Variants in GTF2IRD2B observed in about 807,000 individuals in gnomAD.
GTF2IRD2B encodes general transcription factor II-I repeat domain-containing protein 2B.
In GTF2IRD2B, 10 loss-of-function variants were observed where a neutral mutation model predicts 55.6. The ratio of observed to expected loss-of-function variants is 0.18; its 90% CI spans 0.11 to 0.31. The LOEUF (loss-of-function observed/expected upper bound fraction) is 0.31, where lower values mean the gene tolerates loss of function less well. GTF2IRD2B is among the 10% of genes least tolerant of loss of function. The pLI, the probability that GTF2IRD2B is intolerant of heterozygous loss-of-function variation, is 1.00. For missense variants in GTF2IRD2B, 206 were observed against 802.7 expected (o/e 0.26, Z 8.98); for synonymous variants, 107 against 320.5 (o/e 0.33, Z 7.12).
In GTF2IRD2B at chr7:75,119,938, C is replaced by G. The variant is rs1808312717; in HGVS notation, c.239-953C>G. 2.4e-5 allele frequency among the ~76,000 whole-genome samples: 3 copies of G among 126,450 alleles called. 1 individual carries two copies. The highest frequency in any genetic ancestry group is 1.1e-4 in the African/African-American group (3 of 27,416). The allele number at this position is 126,450 out of a possible 152,430, so 83.0% of individuals were successfully genotyped here. On this transcript the variant is annotated intron_variant, in intron 3 of 15. Transcript: ENST00000472837. ...GGTCAGGAGATCGAGACCATTCTGG[C>G]TAACGTGGTGAAACCCCATCTCTAC...
intron 2 of GTF2IRD2B, 109 bp downstream of exon 2, chr7:75,109,172 T>A (rs1163633743): frequency 1.1e-5 from 7 of 666,424 alleles, no homozygotes; most frequent in African/African-American, 1.5e-5. Flanking sequence ...TTCTTTTTTT[T>A]AAGACAGAGT....
chr7:75,120,794 C>G, intron 3 of GTF2IRD2B, 97 bp from the exon 4 acceptor site: 1 of 1,559,488 alleles, frequency 6.4e-7, no homozygotes, highest in Non-Finnish European at 8.7e-7. Flanking sequence ...TATTTATTCA[C>G]TTTTTTCCCT....
chr7:75,135,369 A>G (rs1292377959), intron 10 of GTF2IRD2B, among the ~76,000 whole-genome samples: 2 of 151,782 alleles, frequency 1.3e-5, no homozygotes, highest in African/African-American at 2.4e-5. Context: ...CCTGACCTCA[A>G]GTGATCCGTC....
Position 75,103,015 on chromosome 7 carries a change from C to T in GTF2IRD2B, c.-5-5945C>T, listed in dbSNP as rs374935363. Among the ~76,000 whole-genome samples the T allele has an allele frequency of 2.1e-4, 32 of 148,954 alleles. No homozygotes were observed. The East Asian group carries it at 5.0e-3, about 23-fold the overall frequency. On this transcript the variant is annotated intron_variant, in intron 1 of 15. Coordinates refer to ENST00000472837, the MANE Select transcript of GTF2IRD2B (RefSeq NM_001003795.3). ...AAATAAGGCTGGGCATGGTGGCTCA[C>T]GCCTGTAGTCCCAGCACTCTGGGAG...
At chr7:75,105,206 C>CAAA (rs782706581) in intron 1 of GTF2IRD2B, among the ~76,000 whole-genome samples, 963 of 150,136 alleles carry the variant, frequency 6.4e-3, no homozygotes, top group African/African-American at 0.022. Flanking sequence ...AAACAAAAAA[C>CAAA]AAAAAAAAAA....
In GTF2IRD2B at chr7:75,127,012, CAAAAACAAAAACAAA is replaced by C. The variant is rs1296385012; in HGVS notation, c.670+639_670+653del. Among the ~76,000 whole-genome samples, 20 of 70,632 alleles carry C rather than the reference CAAAAACAAAAACAAA, an allele frequency of 2.8e-4. 1 individual carries two copies. The highest frequency in any genetic ancestry group is 9.3e-4 in the Admixed American group (5 of 5,348). 46.3% of individuals were successfully genotyped at this position (70,632 alleles called of 152,430 possible). ...ATTCTGTGTCAAAAAAAAACAAAAA[CAAAAACAAAAACAAA>C]AAAAACAAAAAAAAGAACCAAGTAT... On this transcript the variant is annotated intron_variant, in intron 8 of 15. Transcript: ENST00000472837.
intron 11 of GTF2IRD2B, 111 bp downstream of exon 11, chr7:75,136,961 T>C (rs1808858369): frequency 9.1e-6 from 2 of 220,762 alleles, no homozygotes; most frequent in Admixed American, 1.2e-4. Context: ...CCCAGCACCT[T>C]GGGAGGCCAA....
At chr7:75,145,749 GA>G (rs1809128318) in intron 15 of GTF2IRD2B, among the ~76,000 whole-genome samples, 2 of 122,154 alleles carry the variant, frequency 1.6e-5, no homozygotes, top group Non-Finnish European at 3.5e-5. Context: ...AAAAAAAAAA[GA>G]AAAGAAAACC....
intron 10 of GTF2IRD2B, 80 bp downstream of exon 10, chr7:75,135,137 T>A (rs1275073314): frequency 1.0e-6 from 1 of 958,500 alleles, no homozygotes; most frequent in Non-Finnish European, 1.5e-6. Context: ...AGAACATACT[T>A]TTTTTTTCTT....
At chr7:75,099,852 C>T (rs1807484103) in intron 1 of GTF2IRD2B, among the ~76,000 whole-genome samples, 1 of 135,476 alleles carries the variant, frequency 7.4e-6, no homozygotes, top group Admixed American at 7.2e-5. Context: ...GTAGATCATG[C>T]CTGTAATCCC....
rs1320588813 is a variant in GTF2IRD2B, at chr7:75,108,585, C to T, written c.-5-375C>T. On this transcript the variant is annotated intron_variant, in intron 1 of 15. Coordinates refer to ENST00000472837, the MANE Select transcript of GTF2IRD2B (RefSeq NM_001003795.3). Reference sequence around the variant, plus strand: ...GACCAGCCTAGGTAACGTGGCGAAACCCCGTCTTTACAAAAAATACAAAAA... The same window carrying T: ...GACCAGCCTAGGTAACGTGGCGAAATCCCGTCTTTACAAAAAATACAAAAA... Among the ~76,000 whole-genome samples the T allele has an allele frequency of 1.3e-3, 63 of 49,632 alleles. 28 individuals carry two copies. The highest frequency in any genetic ancestry group is 2.5e-3 in the Non-Finnish European group (60 of 23,898). The allele number at this position is 49,632 out of a possible 152,430, so 32.6% of individuals were successfully genotyped here. A position where few individuals can be genotyped will look rare whatever the true frequency, so the allele number is the denominator to read the frequency against.
chr7:75,123,647 A>G (rs1438750265), intron 6 of GTF2IRD2B, 131 bp downstream of exon 6: 2 of 644,280 alleles, frequency 3.1e-6, no homozygotes, highest in Non-Finnish European at 2.9e-6. Flanking sequence ...AGGCTGAGGC[A>G]GGTGGATCAC....
At chr7:75,104,794 G>A (rs1554421379) in intron 1 of GTF2IRD2B, among the ~76,000 whole-genome samples, 1 of 152,280 alleles carries the variant, frequency 6.6e-6, no homozygotes, top group Non-Finnish European at 1.5e-5. Context: ...GCGTCTCATG[G>A]CTGGATGCCG....
chr7:75,092,588 AAAG>A (rs1336437070), exon 1 of GTF2IRD2B: 2 of 152,624 alleles, frequency 1.3e-5, no homozygotes, highest in Non-Finnish European at 2.9e-5. Flanking sequence ...GGGGGGAAAG[AAAG>A]AAAGAGAAAA....
intron 1 of GTF2IRD2B, among the ~76,000 whole-genome samples, chr7:75,097,309 TACAAAA>T: frequency 2.6e-5 from 1 of 38,434 alleles, no homozygotes; most frequent in East Asian, 5.0e-4. Context: ...ACTTTGTCTC[TACAAAA>T]AAAAAAAAAA....
rs587683029 is a variant in GTF2IRD2B at position 75,102,558 on chromosome 7, A to T, written c.-5-6402A>T. On this transcript the variant is annotated intron_variant, in intron 1 of 15. Transcript: ENST00000472837. ...GCTCGCAGCTGTAATCCCAGTGTGG[A>T]TGAGGGGGAAGGATGGCTTGAGTCC... Among the ~76,000 whole-genome samples, 1,460 of 151,362 alleles carry T rather than the reference A, an allele frequency of 9.6e-3. 24 individuals are homozygous for T. Among genetic ancestry groups the T allele is most frequent in the Middle Eastern group, 0.041 (12 of 292 alleles).
chr7:75,093,008 C>A (rs9769771), intron 1 of GTF2IRD2B, among the ~76,000 whole-genome samples: 1,716 of 151,636 alleles, frequency 0.011, no homozygotes, highest in African/African-American at 0.039. Context: ...TGGTCGTACG[C>A]ACGGAGCGCA....
At chr7:75,120,795 T>A (rs1808336214) in intron 3 of GTF2IRD2B, 96 bp from the exon 4 acceptor site, 1 of 1,563,562 alleles carries the variant, frequency 6.4e-7, no homozygotes, top group African/African-American at 1.4e-5. Context: ...ATTTATTCAC[T>A]TTTTTCCCTT....
chr7:75,104,291 T>G (rs150749326), intron 1 of GTF2IRD2B, among the ~76,000 whole-genome samples: 46 of 151,890 alleles, frequency 3.0e-4, no homozygotes, highest in Non-Finnish European at 5.5e-4. Flanking sequence ...CCCAGCTAAT[T>G]TTTAGTAGAG....
Sources: allele counts gnomAD v4.1 joint callset (sites outside exome capture counted in the v4.1 genomes callset), GRCh38; gene constraint gnomAD v4.1.1; transcripts MANE v1.5; gene names NCBI Gene and HGNC (gene_info 2026-07-23, HGNC 2026-07-21).